PACRG: variants seen among roughly 807,000 people sequenced by gnomAD.
PACRG encodes the protein parkin coregulated gene protein.
PACRG carries 29 observed loss-of-function variants against 29.7 expected under a neutral mutation model. The observed-to-expected ratio is 0.98, with a 90% confidence interval of 0.73 to 1.33. PACRG has a LOEUF of 1.33. Among genes scored for constraint, PACRG ranks in the 40% most tolerant of loss-of-function variants. PACRG has a pLI of 0.00. For synonymous variants in PACRG, 116 were observed against 118.7 expected, an observed-to-expected ratio of 0.98 and a Z score of 0.15; for missense variants, 279 against 316.2, an observed-to-expected ratio of 0.88 and a Z score of 0.89.
intron 2 of PACRG, among the ~76,000 whole-genome samples, chr6:162,892,292 C>T (rs1289664904): frequency 6.6e-6 from 1 of 152,198 alleles, no homozygotes; most frequent in Admixed American, 6.5e-5. Flanking sequence ...CTGGATCAGT[C>T]TCTTCAAAAA....
At chr6:162,927,159 C>T (rs1797504401) in intron 2 of PACRG, among the ~76,000 whole-genome samples, 1 of 152,108 alleles carries the variant, frequency 6.6e-6, no homozygotes, top group African/African-American at 2.4e-5. Context: ...ACAACAGATG[C>T]TGGCGAGGCT....
intron 2 of PACRG, among the ~76,000 whole-genome samples, chr6:163,060,316 A>AT (rs958441954): frequency 2.2e-4 from 34 of 152,278 alleles, no homozygotes; most frequent in African/African-American, 7.7e-4. Context: ...TATAGATGAC[A>AT]TTTTTATTAT....
At chr6:163,064,711 C>A (rs1178773784) in intron 3 of PACRG, among the ~76,000 whole-genome samples, 1 of 152,178 alleles carries the variant, frequency 6.6e-6, no homozygotes, top group African/African-American at 2.4e-5. Flanking sequence ...TAGAAAAGGG[C>A]TGATGTACAT....
intron 2 of PACRG, among the ~76,000 whole-genome samples, chr6:162,874,145 A>ATAT (rs1326465885): frequency 1.6e-4 from 17 of 109,034 alleles, no homozygotes; most frequent in Non-Finnish European, 3.3e-4. Flanking sequence ...GAGTTAAAAA[A>ATAT]AAAAAAATAT....
intron 1 of PACRG, among the ~76,000 whole-genome samples, chr6:162,778,105 A>C (rs867266602): frequency 2.0e-5 from 3 of 152,158 alleles, no homozygotes; most frequent in African/African-American, 4.8e-5. Flanking sequence ...CATATGAATG[A>C]AGGTTTTTCG....
intron 2 of PACRG, among the ~76,000 whole-genome samples, chr6:162,969,276 C>A (rs548320073): frequency 6.6e-6 from 1 of 152,200 alleles, no homozygotes; most frequent in African/African-American, 2.4e-5. Flanking sequence ...TCTATTTCCT[C>A]CATTTCACCT....
At chr6:163,032,546 C>A (rs1265963671) in intron 2 of PACRG, among the ~76,000 whole-genome samples, 1 of 152,148 alleles carries the variant, frequency 6.6e-6, no homozygotes, top group Non-Finnish European at 1.5e-5. Flanking sequence ...TTGTGGCATA[C>A]AATAATTCAA....
chr6:162,980,227 T>C (rs1802297602), intron 2 of PACRG, among the ~76,000 whole-genome samples: 1 of 151,970 alleles, frequency 6.6e-6, no homozygotes, highest in South Asian at 2.1e-4. Flanking sequence ...ATTACTAGCA[T>C]AAGTTTTTAA....
intron 2 of PACRG, among the ~76,000 whole-genome samples, chr6:162,831,528 T>C (rs1788770952): frequency 6.6e-6 from 1 of 152,210 alleles, no homozygotes. Flanking sequence ...CCAGGATACA[T>C]GGCAGGATGT....
chr6:162,750,938 T>C (rs9347686), intron 1 of PACRG, among the ~76,000 whole-genome samples: 55,659 of 152,036 alleles, frequency 0.37, 11,430 homozygotes, highest in South Asian at 0.62. Context: ...GTGAGTTACG[T>C]GCTCAGGAAG....
chr6:162,833,148 A>G (rs1019691267), intron 2 of PACRG, among the ~76,000 whole-genome samples: 1 of 152,168 alleles, frequency 6.6e-6, no homozygotes, highest in Non-Finnish European at 1.5e-5. Context: ...ATAATTTGTC[A>G]TAATTTCCAA....
At chr6:163,039,652 G>C (rs1808506825) in intron 2 of PACRG, among the ~76,000 whole-genome samples, 2 of 152,224 alleles carry the variant, frequency 1.3e-5, no homozygotes, top group African/African-American at 2.4e-5. Flanking sequence ...CTTTAGCAGA[G>C]AGACTGGCAG....
At chr6:162,986,556 C>T (rs901318427) in intron 2 of PACRG, among the ~76,000 whole-genome samples, 3 of 152,036 alleles carry the variant, frequency 2.0e-5, no homozygotes, top group Non-Finnish European at 4.4e-5. Context: ...ATACAAAAAT[C>T]AACTCAAGAT....
chr6:163,293,670 G>A (rs1385786668), intron 4 of PACRG, among the ~76,000 whole-genome samples: 3 of 152,082 alleles, frequency 2.0e-5, no homozygotes, highest in Admixed American at 6.6e-5. Flanking sequence ...ATAACAACAA[G>A]ATAAACATAC....
At chr6:162,769,900 A>T (rs1449069013) in intron 1 of PACRG, among the ~76,000 whole-genome samples, 1 of 152,118 alleles carries the variant, frequency 6.6e-6, no homozygotes, top group Non-Finnish European at 1.5e-5. Flanking sequence ...TATTGATTAC[A>T]TTAAAGTGAT....
At chr6:162,775,064 G>T (rs1471622880) in intron 1 of PACRG, among the ~76,000 whole-genome samples, 2 of 152,134 alleles carry the variant, frequency 1.3e-5, no homozygotes, top group African/African-American at 4.8e-5. Context: ...AGGTGATGAG[G>T]TCATGAGTAT....
chr6:163,195,318 C>A (rs1190830439), intron 4 of PACRG, among the ~76,000 whole-genome samples: 1 of 152,178 alleles, frequency 6.6e-6, no homozygotes, highest in Non-Finnish European at 1.5e-5. Context: ...AGTCTTGAAG[C>A]TGTTGCATCC....
intron 2 of PACRG, among the ~76,000 whole-genome samples, chr6:162,828,576 C>T (rs927747313): frequency 6.6e-6 from 1 of 151,988 alleles, no homozygotes; most frequent in Non-Finnish European, 1.5e-5. Flanking sequence ...AACAACCAAA[C>T]AAATAAATAT....
chr6:162,923,717 T>A (rs1797227021), intron 2 of PACRG, among the ~76,000 whole-genome samples: 1 of 152,124 alleles, frequency 6.6e-6, no homozygotes, highest in Admixed American at 6.6e-5. Context: ...CATTTGTTTA[T>A]GTGTCTGTTT....
Sources: gnomAD v4.1 joint callset for allele counts (sites outside exome capture counted in the v4.1 genomes callset) on GRCh38, gnomAD v4.1.1 for gene constraint, MANE v1.5 for transcripts, NCBI Gene and HGNC (gene_info 2026-07-23, HGNC 2026-07-21) for gene names.